FHIT: variants seen among roughly 807,000 people sequenced by gnomAD.
The protein encoded by FHIT is fragile histidine triad diadenosine triphosphatase, also known as bis(5'-adenosyl)-triphosphatase.
Under a neutral mutation model 17.9 loss-of-function variants are expected in FHIT, and 19 were observed. The observed-to-expected ratio is 1.06, with a 90% CI of 0.74 to 1.56. The LOEUF is 1.56. Among genes scored for constraint, FHIT ranks in the 40% most tolerant of loss-of-function variants. The pLI, the probability that FHIT is intolerant of heterozygous loss-of-function variation, is 0.00. For missense variants in FHIT, 248 were observed against 189.2 expected (o/e 1.31, Z -1.82); for synonymous variants, 81 against 69.7 (o/e 1.16, Z -0.81).
At chr3:60,712,955 T>C (rs568845426) in intron 4 of FHIT, among the ~76,000 whole-genome samples, 1 of 150,368 alleles carries the variant, frequency 6.7e-6, no homozygotes, top group African/African-American at 2.4e-5. Context: ...ACTCTCCAAC[T>C]CAAATCAACA....
intron 4 of FHIT, among the ~76,000 whole-genome samples, chr3:60,631,608 TTA>T (rs1353305018): frequency 6.6e-6 from 1 of 152,104 alleles, no homozygotes; most frequent in Non-Finnish European, 1.5e-5. Flanking sequence ...GGAGATAACT[TTA>T]TGAAAAATAG....
At chr3:60,933,453 G>A (rs868920883) in intron 3 of FHIT, among the ~76,000 whole-genome samples, 5 of 152,138 alleles carry the variant, frequency 3.3e-5, no homozygotes, top group Admixed American at 1.3e-4. Context: ...TAGAACTCCG[G>A]TGTGTAGTTG....
intron 5 of FHIT, among the ~76,000 whole-genome samples, chr3:60,193,402 T>A (rs1702488859): frequency 6.6e-6 from 1 of 152,182 alleles, no homozygotes; most frequent in Non-Finnish European, 1.5e-5. Flanking sequence ...ACAATGAGAC[T>A]CTACATCAAT....
At chr3:60,367,623 C>G (rs1424914518) in intron 5 of FHIT, among the ~76,000 whole-genome samples, 1 of 152,110 alleles carries the variant, frequency 6.6e-6, no homozygotes, top group Non-Finnish European at 1.5e-5. Flanking sequence ...TCATAATTAG[C>G]TATTTTAATT....
At chr3:60,840,572 C>A (rs782027923) in intron 3 of FHIT, among the ~76,000 whole-genome samples, 37 of 152,184 alleles carry the variant, frequency 2.4e-4, no homozygotes, top group Admixed American at 6.5e-4. Flanking sequence ...CACAAGCCAA[C>A]CTGGGAATCT....
chr3:59,993,135 G>A (rs963151355), intron 7 of FHIT, among the ~76,000 whole-genome samples: 14 of 151,966 alleles, frequency 9.2e-5, no homozygotes, highest in African/African-American at 3.1e-4. Context: ...TCTTACATCC[G>A]GGAAATTTCT....
intron 4 of FHIT, among the ~76,000 whole-genome samples, chr3:60,649,038 A>G (rs1340133859): frequency 3.3e-5 from 5 of 152,226 alleles, no homozygotes; most frequent in African/African-American, 4.8e-5. Context: ...TTGACATAGA[A>G]ATTCCATTTT....
intron 1 of FHIT, among the ~76,000 whole-genome samples, chr3:61,230,298 A>C (rs1169230104): frequency 6.6e-6 from 1 of 152,166 alleles, no homozygotes; most frequent in Non-Finnish European, 1.5e-5. Flanking sequence ...TGCTGTCCTC[A>C]TAATAGTGAG....
At chr3:60,115,157 A>C (rs1437484749) in intron 5 of FHIT, among the ~76,000 whole-genome samples, 2 of 152,168 alleles carry the variant, frequency 1.3e-5, no homozygotes, top group Non-Finnish European at 2.9e-5. Context: ...CAAAATGACA[A>C]AGGAAAAAAT....
At chr3:59,980,118 C>T (rs1429656192) in intron 7 of FHIT, among the ~76,000 whole-genome samples, 8 of 152,170 alleles carry the variant, frequency 5.3e-5, no homozygotes, top group African/African-American at 1.9e-4. Flanking sequence ...TTTTCCCCCT[C>T]TCCCTCTTAC....
chr3:60,971,864 C>A (rs1710035098), intron 3 of FHIT, among the ~76,000 whole-genome samples: 1 of 152,068 alleles, frequency 6.6e-6, no homozygotes, highest in East Asian at 1.9e-4. Context: ...AGAGAAAATT[C>A]CCCCATCTAT....
chr3:60,307,387 A>G (rs1288654881), intron 5 of FHIT, among the ~76,000 whole-genome samples: 2 of 152,212 alleles, frequency 1.3e-5, no homozygotes, highest in African/African-American at 4.8e-5. Flanking sequence ...GCCCGAAGGA[A>G]GACAGTGAGA....
intron 3 of FHIT, among the ~76,000 whole-genome samples, chr3:60,937,441 T>C (rs1441233686): frequency 6.6e-6 from 1 of 152,142 alleles, no homozygotes; most frequent in Non-Finnish European, 1.5e-5. Flanking sequence ...TTTGAACATT[T>C]GTATCAAAAT....
intron 5 of FHIT, among the ~76,000 whole-genome samples, chr3:60,109,434 G>GA (rs5849328): frequency 6.0e-5 from 9 of 151,192 alleles, no homozygotes; most frequent in East Asian, 1.9e-4. Context: ...TTAGGGAACG[G>GA]AAAAAAAAAT....
chr3:60,485,125 A>G (rs1576739697), intron 5 of FHIT, among the ~76,000 whole-genome samples: 1 of 152,336 alleles, frequency 6.6e-6, no homozygotes, highest in South Asian at 2.1e-4. Context: ...GTCAGTCAGA[A>G]TGGTGAGTAC....
intron 8 of FHIT, among the ~76,000 whole-genome samples, chr3:59,834,695 T>C (rs963859151): frequency 1.3e-5 from 2 of 152,178 alleles, no homozygotes; most frequent in Admixed American, 1.3e-4. Context: ...CCTATCCTCA[T>C]GGCTTAATCA....
chr3:60,036,053 A>T (rs1042095305), intron 5 of FHIT, among the ~76,000 whole-genome samples: 1 of 152,232 alleles, frequency 6.6e-6, no homozygotes, highest in African/African-American at 2.4e-5. Context: ...GGGGAAGAGA[A>T]AACTGCAGGG....
chr3:60,206,127 C>G (rs1338789882), intron 5 of FHIT, among the ~76,000 whole-genome samples: 21 of 126,506 alleles, frequency 1.7e-4, no homozygotes, highest in African/African-American at 5.6e-4. Flanking sequence ...AGCGAGACTC[C>G]GTCTCAAAAA....
At chr3:60,872,792 G>T (rs1435444831) in intron 3 of FHIT, among the ~76,000 whole-genome samples, 1 of 152,022 alleles carries the variant, frequency 6.6e-6, no homozygotes, top group Non-Finnish European at 1.5e-5. Context: ...TAAAATTTAT[G>T]ATGGCCTTAA....
Sources: allele counts gnomAD v4.1 joint callset (sites outside exome capture counted in the v4.1 genomes callset), GRCh38; gene constraint gnomAD v4.1.1; transcripts MANE v1.5; gene names NCBI Gene and HGNC (gene_info 2026-07-23, HGNC 2026-07-21).